PCDHA10: variants seen among roughly 807,000 people sequenced by gnomAD.
The protein encoded by PCDHA10 is protocadherin alpha-10.
PCDHA10 carries 45 observed loss-of-function variants against 61.2 expected under a neutral mutation model. That is an observed-to-expected ratio of 0.74 (90% CI 0.58 to 0.94). PCDHA10 has a LOEUF of 0.94. PCDHA10 is among the 40% of genes least tolerant of loss of function. The pLI, the probability that PCDHA10 is intolerant of heterozygous loss-of-function variation, is 0.00. For synonymous variants in PCDHA10, 602 were observed against 548.8 expected (o/e 1.10, Z -1.35); for missense variants, 1,278 against 1,236.2 (o/e 1.03, Z -0.51).
chr5:140,877,982 T>A, intron 1 of PCDHA10: 1 of 1,221,278 alleles, frequency 8.2e-7, no homozygotes, highest in Non-Finnish European at 1.1e-6. Flanking sequence ...CTTACTCATT[T>A]TGAACTTTTA....
intron 1 of PCDHA10, chr5:140,870,796 C>A (rs1581985922): frequency 6.2e-7 from 1 of 1,613,576 alleles, no homozygotes; most frequent in South Asian, 1.1e-5. Context: ...GCCGGCACTG[C>A]TGGCGACTCA....
chr5:140,988,658 T>C (rs1470835683), intron 3 of PCDHA10, among the ~76,000 whole-genome samples: 7 of 152,232 alleles, frequency 4.6e-5, no homozygotes, highest in African/African-American at 9.6e-5. Flanking sequence ...TTTTTGTTTA[T>C]GAATAGACTC....
chr5:140,949,992 G>A (rs2094439293), intron 1 of PCDHA10, among the ~76,000 whole-genome samples: 1 of 151,522 alleles, frequency 6.6e-6, no homozygotes, highest in African/African-American at 2.4e-5. Flanking sequence ...ACTTTTCTCA[G>A]TCCACTTAAT....
intron 1 of PCDHA10, among the ~76,000 whole-genome samples, chr5:140,964,119 TAAC>T (rs146855097): frequency 0.014 from 2,059 of 152,320 alleles, 49 homozygotes; most frequent in African/African-American, 0.047. Context: ...AATCACATTC[TAAC>T]AACTAGTAAG....
In PCDHA10 at chr5:140,856,327, G is replaced by A; in HGVS notation, c.279G>A (p.Glu93=). The change falls in exon 1 of 4, where the codon GAG becomes GAA. Residue 93 remains glutamate (E), a synonymous_variant. Transcript: ENST00000307360. The part of the protein sequence containing the change: ...LFVNSRIDRE[E]LCGRSVECSI... ...TGAATTCTCGGATTGACCGCGAGGAGCTGTGCGGGCGGAGCGTGGAGTGCA... is the reference window on the plus strand; with the variant it reads ...TGAATTCTCGGATTGACCGCGAGGAACTGTGCGGGCGGAGCGTGGAGTGCA... The A allele has an allele frequency of 1.4e-5, 22 of 1,598,708 alleles. 1 individual carries two copies. Among genetic ancestry groups the A allele is most frequent in the South Asian group, 3.3e-5 (3 of 90,534 alleles).
chr5:141,005,287 A>AT (rs1405339052), intron 3 of PCDHA10, among the ~76,000 whole-genome samples: 5 of 152,162 alleles, frequency 3.3e-5, no homozygotes, highest in Admixed American at 1.3e-4. Context: ...AAACAGATAC[A>AT]TTTTTTGCCT....
chr5:140,925,424 T>C (rs1554202738), intron 1 of PCDHA10, among the ~76,000 whole-genome samples: 1 of 152,038 alleles, frequency 6.6e-6, no homozygotes, highest in Non-Finnish European at 1.5e-5. Context: ...GAACTGGTTG[T>C]AGGGTGTTAG....
At chr5:140,945,304 C>T (rs993719774) in intron 1 of PCDHA10, among the ~76,000 whole-genome samples, 3 of 151,880 alleles carry the variant, frequency 2.0e-5, no homozygotes, top group African/African-American at 7.3e-5. Flanking sequence ...TTGAAGAAGA[C>T]ACAAATAAAT....
intron 1 of PCDHA10, chr5:140,876,188 G>T: frequency 6.2e-7 from 1 of 1,613,944 alleles, no homozygotes; most frequent in South Asian, 1.1e-5. Flanking sequence ...AATGACAATG[G>T]TCCGGCGTTT....
chr5:140,900,370 T>G (rs983806569), intron 1 of PCDHA10, among the ~76,000 whole-genome samples: 18 of 152,236 alleles, frequency 1.2e-4, no homozygotes, highest in African/African-American at 4.1e-4. Context: ...CTCTGCCTCC[T>G]GGGTTCAAGC....
At chr5:140,940,390 T>C (rs2092601477) in intron 1 of PCDHA10, among the ~76,000 whole-genome samples, 1 of 152,194 alleles carries the variant, frequency 6.6e-6, no homozygotes. Flanking sequence ...ATTTTGGTTA[T>C]TGTGTTTTTC....
At chr5:140,927,568 A>T in intron 1 of PCDHA10, 1 of 1,614,174 alleles carries the variant, frequency 6.2e-7, no homozygotes, top group Non-Finnish European at 8.5e-7. Flanking sequence ...TGTGGTGGAC[A>T]CAAATGACAA....
At chr5:140,941,210 TCTTC>T (rs1480454721) in intron 1 of PCDHA10, among the ~76,000 whole-genome samples, 2,917 of 100,514 alleles carry the variant, frequency 0.029, 68 homozygotes, top group South Asian at 0.045. Flanking sequence ...TTCCTTTCTT[TCTTC>T]CTTTCTTTCT....
At chr5:140,889,009 C>T (rs1030437186) in intron 1 of PCDHA10, among the ~76,000 whole-genome samples, 7 of 152,128 alleles carry the variant, frequency 4.6e-5, no homozygotes, top group Admixed American at 1.3e-4. Flanking sequence ...GCAAACCAAC[C>T]TCTACTTCCT....
intron 1 of PCDHA10, among the ~76,000 whole-genome samples, chr5:140,924,896 AAAAAAAAAATAAAATAAAAT>A (rs1488372568): frequency 0.024 from 1,693 of 69,132 alleles, 31 homozygotes; most frequent in African/African-American, 0.08. Context: ...ACCTGTCTCA[AAAAAAAAAATAAAATAAAAT>A]AAAATAAAAT....
chr5:140,873,464 T>C (rs904556302), intron 1 of PCDHA10, among the ~76,000 whole-genome samples: 1 of 152,214 alleles, frequency 6.6e-6, no homozygotes, highest in Non-Finnish European at 1.5e-5. Context: ...TTTTAGATAA[T>C]TCAAATTACT....
chr5:140,919,649 T>G (rs1252944920), intron 1 of PCDHA10, among the ~76,000 whole-genome samples: 1 of 152,202 alleles, frequency 6.6e-6, no homozygotes, highest in Non-Finnish European at 1.5e-5. Flanking sequence ...TTCTCTAGAG[T>G]TTACCATATA....
At chr5:140,967,150 C>T (rs1400431511) in intron 1 of PCDHA10, 1 of 1,611,004 alleles carries the variant, frequency 6.2e-7, no homozygotes, top group Non-Finnish European at 8.5e-7. Context: ...CGCACAACCC[C>T]GTGGCGGTGA....
intron 1 of PCDHA10, among the ~76,000 whole-genome samples, chr5:140,895,618 T>C (rs569188891): frequency 1.1e-4 from 16 of 152,206 alleles, no homozygotes; most frequent in African/African-American, 3.9e-4. Context: ...TCATTGAGGG[T>C]GTTGTCTTTT....
Sources: allele counts gnomAD v4.1 joint callset (sites outside exome capture counted in the v4.1 genomes callset), GRCh38; gene constraint gnomAD v4.1.1; transcripts MANE v1.5; gene names NCBI Gene and HGNC (gene_info 2026-07-23, HGNC 2026-07-21).